PCDHGB1: variants seen among roughly 807,000 people sequenced by gnomAD.
The protein encoded by PCDHGB1 is protocadherin gamma-B1.
Under a neutral mutation model 56.6 loss-of-function variants are expected in PCDHGB1, and 34 were observed. The observed-to-expected ratio is 0.60, with a 90% CI of 0.46 to 0.80. The LOEUF is 0.80. Among genes scored for constraint, PCDHGB1 ranks in the 30% least tolerant of loss-of-function variants. The pLI is 0.00. For synonymous variants in PCDHGB1, 561 were observed against 505.9 expected (o/e 1.11, Z -1.46); for missense variants, 1,278 against 1,204.6 (o/e 1.06, Z -0.90).
intron 1 of PCDHGB1, chr5:141,423,869 T>A (rs1239422805): frequency 5.4e-6 from 7 of 1,285,484 alleles, no homozygotes; most frequent in Non-Finnish European, 6.9e-6. Flanking sequence ...TGAAAGTCAT[T>A]TTTCAATCTT....
chr5:141,353,252 T>A, intron 1 of PCDHGB1, among the ~76,000 whole-genome samples: 1 of 152,210 alleles, frequency 6.6e-6, no homozygotes, highest in East Asian at 1.9e-4. Context: ...CTTTTCTTAG[T>A]TGATATGCAA....
Position 141,462,764 on chromosome 5 carries a change from G to C in PCDHGB1, c.2410-32043G>C, listed in dbSNP as rs150842317. Among the ~76,000 whole-genome samples, 589 of 152,084 alleles carry C rather than the reference G, an allele frequency of 3.9e-3. 5 individuals are homozygous for C. Among genetic ancestry groups the C allele is most frequent in the Admixed American group, 0.011 (169 of 15,274 alleles). ...AATTCCTATGATGATTTTCTTCCTG[G>C]CTTGGGGTCATAATTTGTTGCTTAT... On this transcript the variant is annotated intron_variant, in intron 1 of 3. Transcript: ENST00000523390.
At position 141,410,315 on chromosome 5, in the gene PCDHGB1, C is replaced by G. The variant is rs781293010; in HGVS notation, c.2409+57646C>G. 3 of 1,614,040 alleles carry G rather than the reference C, an allele frequency of 1.9e-6. No homozygotes were observed. In the East Asian group the frequency reaches 6.7e-5, roughly 36 times the overall value. On this transcript the variant is annotated intron_variant, in intron 1 of 3. Coordinates refer to ENST00000523390, the MANE Select transcript of PCDHGB1 (RefSeq NM_018922.3). ...GGCCTTAATCTCAGTGCTCTTCCTCCTCGCCGTGATTCTGGCCATTGCCTT... is the reference window on the plus strand; with the variant it reads ...GGCCTTAATCTCAGTGCTCTTCCTCGTCGCCGTGATTCTGGCCATTGCCTT...
intron 1 of PCDHGB1, chr5:141,390,878 G>A (rs2092258677): frequency 6.5e-6 from 1 of 153,282 alleles, no homozygotes; most frequent in Non-Finnish European, 1.5e-5. Flanking sequence ...GTGTGTGTGT[G>A]TGTGTGTGTG....
chr5:141,365,294 C>G, intron 1 of PCDHGB1: 1 of 1,613,974 alleles, frequency 6.2e-7, no homozygotes, highest in Non-Finnish European at 8.5e-7. Context: ...AGTGGTAGCT[C>G]AGGATGGAGG....
intron 1 of PCDHGB1, chr5:141,430,868 G>A (rs1414256124): frequency 6.3e-7 from 1 of 1,597,104 alleles, no homozygotes; most frequent in Admixed American, 1.8e-5. Context: ...TTCAGTTCCG[G>A]AAGAGCTGGA....
intron 1 of PCDHGB1, chr5:141,356,239 G>T: frequency 6.3e-7 from 1 of 1,585,126 alleles, no homozygotes; most frequent in Non-Finnish European, 8.6e-7. Flanking sequence ...CGCACCAGAA[G>T]TCACAGTTAC....
intron 1 of PCDHGB1, among the ~76,000 whole-genome samples, chr5:141,406,034 A>T (rs1438349168): frequency 6.7e-6 from 1 of 149,160 alleles, no homozygotes; most frequent in Non-Finnish European, 1.5e-5. Flanking sequence ...GGGTTGCTTC[A>T]TTGGTTGCAG....
intron 1 of PCDHGB1, chr5:141,372,773 T>C: frequency 1.2e-6 from 2 of 1,610,720 alleles, no homozygotes; most frequent in Non-Finnish European, 8.5e-7. Flanking sequence ...GTAATGACAA[T>C]CCAGAAATGC....
chr5:141,383,137 C>T, intron 1 of PCDHGB1: 1 of 1,614,112 alleles, frequency 6.2e-7, no homozygotes, highest in Non-Finnish European at 8.5e-7. Context: ...CCTGAACCAG[C>T]GCAGCGGCAG....
intron 1 of PCDHGB1, chr5:141,375,002 CTAGACTAT>C (rs1771028356): frequency 6.2e-7 from 1 of 1,613,890 alleles, no homozygotes; most frequent in Non-Finnish European, 8.5e-7. Flanking sequence ...TTCTGCAAAT[CTAGACTAT>C]GAGGACTCGA....
intron 1 of PCDHGB1, among the ~76,000 whole-genome samples, chr5:141,358,006 A>G (rs186822716): frequency 6.6e-5 from 10 of 152,300 alleles, no homozygotes; most frequent in African/African-American, 2.2e-4. Flanking sequence ...TCTGGGCAAC[A>G]TGGTGAAACC....
chr5:141,478,839 T>G, intron 1 of PCDHGB1: 6 of 1,423,322 alleles, frequency 4.2e-6, no homozygotes, highest in Non-Finnish European at 5.5e-6. Flanking sequence ...AAGGGATGGT[T>G]AAGCTAAAAC....
intron 1 of PCDHGB1, chr5:141,478,289 G>A (rs1210628852): frequency 1.2e-6 from 2 of 1,614,146 alleles, no homozygotes; most frequent in African/African-American, 2.7e-5. Context: ...GCAGTCTAGA[G>A]ACCTATACCG....
Position 141,477,483 on chromosome 5 carries a change from A to G in PCDHGB1, c.2410-17324A>G. The G allele has an allele frequency of 6.2e-7, 1 of 1,614,028 alleles. No individual in the cohort carries two copies. On this transcript the variant is annotated intron_variant, in intron 1 of 3. Coordinates refer to ENST00000523390, the MANE Select transcript of PCDHGB1 (RefSeq NM_018922.3). The surrounding 1 kb of genome is among the most constrained non-coding windows in gnomAD (Gnocchi z 4.9). ...TCCGACATCAATGACAACCCTCCAC[A>G]ATCTTCTCAATCTTCCTACGACGTT...
chr5:141,422,314 C>G (rs1207977453), intron 1 of PCDHGB1: 2 of 1,547,838 alleles, frequency 1.3e-6, no homozygotes, highest in Non-Finnish European at 1.7e-6. Context: ...AAACTCTCCT[C>G]CAGGTACAGT....
intron 1 of PCDHGB1, chr5:141,375,735 T>C: frequency 6.2e-7 from 1 of 1,614,254 alleles, no homozygotes; most frequent in Non-Finnish European, 8.5e-7. Context: ...CTGAGCCTGT[T>C]TGTGCTGGAC....
At position 141,399,853 on chromosome 5, in the gene PCDHGB1, C is replaced by T. The variant is rs530551805; in HGVS notation, c.2409+47184C>T. 48 of 1,612,978 alleles carry T rather than the reference C, an allele frequency of 3.0e-5. 1 individual carries two copies. In the East Asian group the frequency reaches 9.4e-4, roughly 31 times the overall value. On this transcript the variant is annotated intron_variant, in intron 1 of 3. Transcript: ENST00000523390. ...CTCTGCGCTCTTCGATATGGTGCCGCGCGCTGCAGAGCCCGGCTACCTGGT... is the reference window on the plus strand; with the variant it reads ...CTCTGCGCTCTTCGATATGGTGCCGTGCGCTGCAGAGCCCGGCTACCTGGT...
intron 1 of PCDHGB1, chr5:141,393,352 T>G: frequency 1.2e-6 from 2 of 1,613,956 alleles, no homozygotes; most frequent in African/African-American, 2.7e-5. Context: ...CACTTCTCCC[T>G]GGACGTGCAG....
Sources: gnomAD v4.1 joint callset for allele counts (sites outside exome capture counted in the v4.1 genomes callset) on GRCh38, gnomAD v4.1.1 for gene constraint, Gnocchi (gnomAD v3.1) non-coding constraint, MANE v1.5 for transcripts, NCBI Gene and HGNC (gene_info 2026-07-23, HGNC 2026-07-21) for gene names.